The following ZNF423 variants were observed in gnomAD, a reference collection of about 807,000 sequenced individuals.
The protein encoded by ZNF423 is Ebf-associated zinc finger protein.
Under a neutral mutation model 95.8 loss-of-function variants are expected in ZNF423, and 12 were observed. The ratio of observed to expected loss-of-function variants is 0.13; its 90% confidence interval spans 0.08 to 0.20. The LOEUF is 0.20. Among genes scored for constraint, ZNF423 ranks in the 10% least tolerant of loss-of-function variants. ZNF423 has a pLI of 1.00. For missense variants in ZNF423, 1,316 were observed against 1,737.1 expected, an observed-to-expected ratio of 0.76 and a Z score of 4.31; for synonymous variants, 749 against 711.9, an observed-to-expected ratio of 1.05 and a Z score of -0.83.
intron 1 of ZNF423, among the ~76,000 whole-genome samples, chr16:49,833,139 T>C (rs982451558): frequency 2.6e-5 from 4 of 152,068 alleles, no homozygotes; most frequent in African/African-American, 9.7e-5. Context: ...GGAACTGGGG[T>C]CCACGCACAA....
chr16:49,724,496 A>C (rs2032953700), intron 3 of ZNF423, among the ~76,000 whole-genome samples: 1 of 152,188 alleles, frequency 6.6e-6, no homozygotes, highest in South Asian at 2.1e-4. Context: ...CCCCAGCCCC[A>C]CACTGCACGA....
At position 49,581,714 on chromosome 16, in the gene ZNF423, T is replaced by C. The variant is rs116286835; in HGVS notation, c.3601+44456A>G. 5.6e-4 allele frequency among the ~76,000 whole-genome samples: 85 copies of C among 152,324 alleles called. 1 individual carries two copies. Among genetic ancestry groups the C allele is most frequent in the African/African-American group, 2.0e-3 (83 of 41,576 alleles). ...CTCCCTGTAATTTGTTCAAACGAAA[T>C]AATATTTTCGTTTCCCCGTTTCTCT... On this transcript the variant is annotated intron_variant, in intron 5 of 7. Coordinates refer to ENST00000563137, the MANE Select transcript of ZNF423 (RefSeq NM_001379286.1).
chr16:49,690,930 C>T (rs2031755392), intron 3 of ZNF423, among the ~76,000 whole-genome samples: 1 of 152,186 alleles, frequency 6.6e-6, no homozygotes, highest in Non-Finnish European at 1.5e-5. Context: ...CTAAAGCAAC[C>T]TGTTTCACCA....
chr16:49,563,764 C>T (rs1319312427), intron 5 of ZNF423, among the ~76,000 whole-genome samples: 1 of 152,232 alleles, frequency 6.6e-6, no homozygotes. Flanking sequence ...CTCCCCATGG[C>T]CTGCTACTGA....
rs2034535156 is a variant in ZNF423 at position 49,798,613 on chromosome 16, T to A, written c.41-9067A>T. Reference sequence around the variant, plus strand: ...TTTTTAAAAATAAATACATACAATTTTTTTTAAAAAAATTAAAGCAGAATA... The same window carrying A: ...TTTTTAAAAATAAATACATACAATTATTTTTAAAAAAATTAAAGCAGAATA... On this transcript the variant is annotated intron_variant, in intron 1 of 7. Transcript: ENST00000563137. Among the ~76,000 whole-genome samples the A allele has an allele frequency of 2.0e-5, 3 of 152,350 alleles. No individual in the cohort carries two copies. The South Asian group carries it at 6.2e-4, about 32-fold the overall frequency.
intron 2 of ZNF423, among the ~76,000 whole-genome samples, chr16:49,788,490 T>C (rs1453024327): frequency 6.6e-6 from 1 of 152,226 alleles, no homozygotes; most frequent in African/African-American, 2.4e-5. Flanking sequence ...AAACATTAAA[T>C]GTTTATATAC....
At position 49,635,654 on chromosome 16, in the gene ZNF423, A is replaced by G; in HGVS notation, c.3516+6T>C. On this transcript the variant is annotated splice_donor_region_variant and intron_variant, in intron 4 of 7. Coordinates refer to ENST00000563137, the MANE Select transcript of ZNF423 (RefSeq NM_001379286.1). This position sits in a 1 kb window ranked among gnomAD's most constrained non-coding sequence, Gnocchi z 4.8. The stretch of plus-strand genomic sequence containing the variant: ...CAGGGAGCAGGATGAGGTGGACTGC[A>G]CTTACCCGGGGCACTGGCGATGTCT... The G allele has an allele frequency of 6.4e-7, 1 of 1,558,394 alleles. No homozygotes were observed. The highest frequency in any genetic ancestry group is 8.7e-7 in the Non-Finnish European group (1 of 1,154,866).
chr16:49,801,650 C>G (rs2034584446), intron 1 of ZNF423, among the ~76,000 whole-genome samples: 1 of 152,182 alleles, frequency 6.6e-6, no homozygotes, highest in Non-Finnish European at 1.5e-5. Context: ...AGACCCCATC[C>G]CAGACCTACA....
chr16:49,605,006 C>T (rs1483336849), intron 5 of ZNF423, among the ~76,000 whole-genome samples: 1 of 152,230 alleles, frequency 6.6e-6, no homozygotes, highest in Admixed American at 6.5e-5. Flanking sequence ...GCCTCGGATG[C>T]TGCCTGGCTT....
chr16:49,544,298 GA>G (rs1242719274), intron 5 of ZNF423, among the ~76,000 whole-genome samples: 7 of 152,316 alleles, frequency 4.6e-5, no homozygotes, highest in Admixed American at 4.6e-4. Flanking sequence ...TCGACTTCTC[GA>G]TCTGGATGTG....
chr16:49,535,538 A>G (rs540127721), intron 5 of ZNF423, among the ~76,000 whole-genome samples: 6 of 152,332 alleles, frequency 3.9e-5, no homozygotes, highest in African/African-American at 1.4e-4. Flanking sequence ...TCTTAATAGA[A>G]AGAGAATGGA....
At chr16:49,821,658 T>C (rs933796473) in intron 1 of ZNF423, among the ~76,000 whole-genome samples, 1 of 152,148 alleles carries the variant, frequency 6.6e-6, no homozygotes, top group African/African-American at 2.4e-5. Context: ...CTCTCTTCCT[T>C]TGTTTCTCCC....
At chr16:49,556,131 C>T (rs759894383) in intron 5 of ZNF423, among the ~76,000 whole-genome samples, 65 of 152,306 alleles carry the variant, frequency 4.3e-4, no homozygotes, top group African/African-American at 2.4e-4. Flanking sequence ...TTCCGACCTT[C>T]GGAGCTTTCC....
chr16:49,493,081 G>GGTTTC (rs1967036798), intron 7 of ZNF423, among the ~76,000 whole-genome samples: 1 of 152,140 alleles, frequency 6.6e-6, no homozygotes, highest in Admixed American at 6.5e-5. Flanking sequence ...CAGATGGGAT[G>GGTTTC]CAGGCGGTTT....
chr16:49,789,430 T>A (rs2034373471), intron 2 of ZNF423, 57 bp downstream of exon 2: 2 of 1,559,464 alleles, frequency 1.3e-6, no homozygotes, highest in African/African-American at 1.4e-5. Context: ...CTTTCTGAGT[T>A]CCTGGGCCAG....
At position 49,680,750 on chromosome 16, in the gene ZNF423, C is replaced by T. The variant is rs145194181; in HGVS notation, c.302-41876G>A. On this transcript the variant is annotated intron_variant, in intron 3 of 7. Coordinates refer to ENST00000563137, the MANE Select transcript of ZNF423 (RefSeq NM_001379286.1). ...CCGGACTTCATGCTCACTTGCCTCA[C>T]GGCTCTGCACCTGGATCACCCTTGG... Among the ~76,000 whole-genome samples the T allele has an allele frequency of 3.4e-3, 521 of 152,376 alleles. 4 individuals carry two copies. The highest frequency in any genetic ancestry group is 0.011 in the African/African-American group (460 of 41,590).
intron 1 of ZNF423, among the ~76,000 whole-genome samples, chr16:49,824,913 C>T (rs1379408022): frequency 1.3e-5 from 2 of 152,126 alleles, no homozygotes; most frequent in African/African-American, 4.8e-5. Flanking sequence ...AAAAGAAACT[C>T]GTGGGCTGGT....
chr16:49,660,023 C>T (rs1457889943), intron 3 of ZNF423, among the ~76,000 whole-genome samples: 8 of 152,224 alleles, frequency 5.3e-5, no homozygotes, highest in Admixed American at 5.2e-4. Context: ...CCTCCACCCG[C>T]AATATACCTC....
intron 1 of ZNF423, among the ~76,000 whole-genome samples, chr16:49,842,318 GAAGGGAAGGGA>G (rs1368043621): frequency 9.0e-5 from 6 of 67,014 alleles, no homozygotes; most frequent in Non-Finnish European, 1.6e-4. Context: ...CGAGGGAAGG[GAAGGGAAGGGA>G]AGGGAAGGGA....
Sources: allele counts gnomAD v4.1 joint callset (sites outside exome capture counted in the v4.1 genomes callset), GRCh38; gene constraint gnomAD v4.1.1; non-coding constraint Gnocchi (gnomAD v3.1); transcripts MANE v1.5; gene names NCBI Gene and HGNC (gene_info 2026-07-23, HGNC 2026-07-21).